The following CORO7 variants were observed in gnomAD, a reference collection of about 807,000 sequenced individuals.
CORO7 encodes coronin-7.
A neutral mutation model predicts 126.6 loss-of-function variants in CORO7; 107 were observed. The observed-to-expected ratio is 0.85, with a 90% CI of 0.72 to 0.99. CORO7 has a LOEUF of 0.99. Among genes scored for constraint, CORO7 ranks in the 50% least tolerant of loss-of-function variants. The pLI, the probability that CORO7 is intolerant of heterozygous loss-of-function variation, is 0.00. For synonymous variants in CORO7, 603 were observed against 536.8 expected (o/e 1.12, Z -1.70); for missense variants, 1,314 against 1,255.8 (o/e 1.05, Z -0.70).
At chr16:4,368,788 C>T (rs1249532356) in intron 9 of CORO7, among the ~76,000 whole-genome samples, 1 of 150,328 alleles carries the variant, frequency 6.7e-6, no homozygotes, top group East Asian at 1.9e-4. Flanking sequence ...CTGGGTAACA[C>T]AGCAAGACCC....
At chr16:4,389,968 G>C (rs1348526916) in intron 7 of CORO7, among the ~76,000 whole-genome samples, 2 of 152,194 alleles carry the variant, frequency 1.3e-5, no homozygotes, top group Non-Finnish European at 2.9e-5. Flanking sequence ...GGCAGGTGCT[G>C]GGGGGAAGCA....
chr16:4,388,572 C>T lies in CORO7; in HGVS notation c.675G>A (p.Glu225=). 2.5e-6 allele frequency: 4 copies of T among 1,613,064 alleles called. No individual in the cohort carries two copies. Among genetic ancestry groups the T allele is most frequent in the Non-Finnish European group, 3.4e-6 (4 of 1,179,842 alleles). The part of the protein sequence containing the change: ...DSRLAWMGTW[E]HLVSTGFNQM... ...GGTTGAATCCAGTAGACACAAGGTGCTCCCAGGTGCCCATCCATGCCAGCC... is the reference window on the plus strand; with the variant it reads ...GGTTGAATCCAGTAGACACAAGGTGTTCCCAGGTGCCCATCCATGCCAGCC... Residue 225 remains glutamate (E), a synonymous_variant, in exon 8 of 28, where the codon GAG becomes GAA. Coordinates refer to ENST00000251166, the MANE Select transcript of CORO7 (RefSeq NM_024535.5).
At position 4,362,988 on chromosome 16, in the gene CORO7, G is replaced by A; in HGVS notation, c.1276-250C>T. ...CCAGCCCTGCAGGAGGGTGTGCCCA[G>A]TGGGTTAGATCTGCCAGTATTTTAA... On this transcript the variant is annotated intron_variant, in intron 14 of 27. Coordinates refer to ENST00000251166, the MANE Select transcript of CORO7 (RefSeq NM_024535.5). The surrounding 1 kb of genome is among the most constrained non-coding windows in gnomAD (Gnocchi z 5.3). 2.6e-6 allele frequency: 1 copy of A among 390,646 alleles called. No individual in the cohort carries two copies. The highest frequency in any genetic ancestry group is 2.1e-5 in the African/African-American group (1 of 48,600). The allele number at this position is 390,646 out of a possible 1,614,324, so 24.2% of individuals were successfully genotyped here. A position where few individuals can be genotyped will look rare whatever the true frequency, so the allele number is the denominator to read the frequency against.
chr16:4,389,445 T>C (rs1036983570), intron 7 of CORO7, among the ~76,000 whole-genome samples: 1 of 152,102 alleles, frequency 6.6e-6, no homozygotes, highest in Non-Finnish European at 1.5e-5. Context: ...CCCCAAACCA[T>C]GGCCAGCTTC....
Position 4,354,952 on chromosome 16 carries a change from G to A in CORO7, c.*206C>T. ...CATGCTAGCGGGCAGCTGATGAGCA[G>A]CAGCTGACCCCAGAGACAGCAGAGG... is the stretch of plus-strand genomic sequence containing the variant. On this transcript the variant is annotated 3_prime_UTR_variant, in exon 28 of 28. Transcript: ENST00000251166. The A allele has an allele frequency of 5.9e-6, 3 of 508,954 alleles. No individual in the cohort carries two copies. Among genetic ancestry groups the A allele is most frequent in the South Asian group, 5.1e-5 (1 of 19,558 alleles). 31.5% of individuals were successfully genotyped at this position (508,954 alleles called of 1,614,324 possible). A position where few individuals can be genotyped will look rare whatever the true frequency, so the allele number is the denominator to read the frequency against.
chr16:4,376,384 G>T (rs552853665), intron 9 of CORO7, among the ~76,000 whole-genome samples: 1 of 152,306 alleles, frequency 6.6e-6, no homozygotes, highest in East Asian at 1.9e-4. Flanking sequence ...GAGCCTTGGC[G>T]GGCCAGCATG....
chr16:4,388,722 G>T, intron 7 of CORO7, 91 bp from the exon 8 acceptor site: 1 of 1,351,026 alleles, frequency 7.4e-7, no homozygotes, highest in Non-Finnish European at 1.0e-6. Context: ...AACTTCTGCT[G>T]CCCACCTGCC....
intron 6 of CORO7, among the ~76,000 whole-genome samples, chr16:4,396,884 C>T (rs2055611425): frequency 6.6e-6 from 1 of 151,720 alleles, no homozygotes; most frequent in Non-Finnish European, 1.5e-5. Flanking sequence ...GGCATGGTGG[C>T]AGGCACCTGT....
In CORO7 at chr16:4,362,136, G is replaced by C; in HGVS notation, c.1427C>G (p.Ala476Gly). 1 of 1,609,524 alleles carries C rather than the reference G, an allele frequency of 6.2e-7. No homozygotes were observed. The highest frequency in any genetic ancestry group is 8.5e-7 in the Non-Finnish European group (1 of 1,178,916). Reference protein sequence around the residue: ...LLGPSSKFRHAQGTVLHRDSH... With the variant: ...LLGPSSKFRHGQGTVLHRDSH... ...GTCTCGGTGCAGGACAGTGCCCTGAGCATGGCGGAACTTGGAACTGGGGCC... is the reference window on the plus strand; with the variant it reads ...GTCTCGGTGCAGGACAGTGCCCTGACCATGGCGGAACTTGGAACTGGGGCC... Residue 476 changes from alanine (A) to glycine (G), a missense_variant, in exon 16 of 28, where the codon GCT (alanine) becomes GGT (glycine). Ala to Gly is a moderately conservative substitution (Grantham distance 60). Coordinates refer to ENST00000251166, the MANE Select transcript of CORO7 (RefSeq NM_024535.5). The surrounding 1 kb of genome is among the most constrained non-coding windows in gnomAD (Gnocchi z 5.3).
chr16:4,405,055 A>T (rs1471922037), intron 6 of CORO7, among the ~76,000 whole-genome samples: 1 of 152,038 alleles, frequency 6.6e-6, no homozygotes, highest in Non-Finnish European at 1.5e-5. Flanking sequence ...TCAAAGCACC[A>T]TGTCCCTCTT....
Position 4,383,132 on chromosome 16 carries a change from A to G in CORO7, c.785+4854T>C, listed in dbSNP as rs113649657. The G allele has an allele frequency of 1.2e-3, 625 of 526,700 alleles. 8 individuals carry two copies. The highest frequency in any genetic ancestry group is 0.011 in the African/African-American group (557 of 50,024). The allele number at this position is 526,700 out of a possible 1,614,324, so 32.6% of individuals were successfully genotyped here. A position where few individuals can be genotyped will look rare whatever the true frequency, so the allele number is the denominator to read the frequency against. Reference sequence around the variant, plus strand: ...CCCAGAACCGAGTGCCTATGAGGACAGTGTCCGCCCTGCCCTCCGCAACGT... The same window carrying G: ...CCCAGAACCGAGTGCCTATGAGGACGGTGTCCGCCCTGCCCTCCGCAACGT... On this transcript the variant is annotated intron_variant, in intron 9 of 27. Transcript: ENST00000251166.
intron 9 of CORO7, among the ~76,000 whole-genome samples, chr16:4,385,456 A>C (rs1399640440): frequency 1.3e-5 from 2 of 151,998 alleles, no homozygotes; most frequent in Non-Finnish European, 2.9e-5. Context: ...GCATTCACAC[A>C]CTCATCCCCG....
In CORO7 at chr16:4,408,376, G is replaced by A. The variant is rs982490973; in HGVS notation, c.233-125C>T. ...AGAAACAGGCTACAAGTCTACAAGG[G>A]CCCTCTGGACACCATGGGGGCAAAT... On this transcript the variant is annotated intron_variant, in intron 3 of 27. Coordinates refer to ENST00000251166, the MANE Select transcript of CORO7 (RefSeq NM_024535.5). 6.6e-6 allele frequency: 9 copies of A among 1,369,846 alleles called. No homozygotes were observed. The South Asian group carries it at 7.7e-5, about 12-fold the overall frequency. The allele number at this position is 1,369,846 out of a possible 1,614,324, so 84.9% of individuals were successfully genotyped here.
At chr16:4,396,901 A>G (rs2055612144) in intron 6 of CORO7, among the ~76,000 whole-genome samples, 1 of 151,788 alleles carries the variant, frequency 6.6e-6, no homozygotes, top group Admixed American at 6.6e-5. Context: ...CTGTAATCCC[A>G]GCTACTCAGG....
chr16:4,380,484 T>C (rs1183750007), intron 9 of CORO7, among the ~76,000 whole-genome samples: 1 of 152,196 alleles, frequency 6.6e-6, no homozygotes, highest in Non-Finnish European at 1.5e-5. Flanking sequence ...TGCCCCCTCT[T>C]CCAGACCCTG....
chr16:4,399,314 A>G (rs899784189), intron 6 of CORO7, among the ~76,000 whole-genome samples: 13 of 152,228 alleles, frequency 8.5e-5, no homozygotes, highest in African/African-American at 2.9e-4. Flanking sequence ...AGGAAATCCT[A>G]CTGCACGCCA....
chr16:4,381,584 G>A (rs756788083), intron 9 of CORO7: 19 of 1,603,320 alleles, frequency 1.2e-5, no homozygotes, highest in East Asian at 4.5e-5. Context: ...CCTGTGATCC[G>A]AGGCCTCCGG....
At position 4,404,662 on chromosome 16, in the gene CORO7, C is replaced by T. The variant is rs550944797; in HGVS notation, c.564+829G>A. 1.8e-3 allele frequency among the ~76,000 whole-genome samples: 276 copies of T among 152,228 alleles called. 1 individual carries two copies. Among genetic ancestry groups the T allele is most frequent in the African/African-American group, 6.5e-3 (268 of 41,540 alleles). ...CCCCCTCTCTGCCACAGCACATCCC[C>T]GTCCCAGTGACAGGCCTCTCCTACT... On this transcript the variant is annotated intron_variant, in intron 6 of 27. Coordinates refer to ENST00000251166, the MANE Select transcript of CORO7 (RefSeq NM_024535.5).
Position 4,365,512 on chromosome 16 carries a change from C to G in CORO7, c.819G>C (p.Gly273=), listed in dbSNP as rs777324216. ...CLVPLLDPDS[G]LLVLAGKGER... is the part of the protein sequence containing the mutation. ...TCACCTTTCCTGCCAGGACCAGGAG[C>G]CCAGAGTCAGGGTCCAGCAGAGGCA... is the stretch of plus-strand genomic sequence containing the variant. Residue 273 remains glycine, a synonymous_variant, in exon 10 of 28, where the codon GGG becomes GGC. Coordinates refer to ENST00000251166, the MANE Select transcript of CORO7 (RefSeq NM_024535.5). The G allele has an allele frequency of 7.0e-6, 11 of 1,578,686 alleles. No homozygotes were observed. The highest frequency in any genetic ancestry group is 7.7e-6 in the Non-Finnish European group (9 of 1,162,690).
Sources: allele counts gnomAD v4.1 joint callset (sites outside exome capture counted in the v4.1 genomes callset), GRCh38; gene constraint gnomAD v4.1.1; non-coding constraint Gnocchi (gnomAD v3.1); transcripts MANE v1.5; gene names NCBI Gene and HGNC (gene_info 2026-07-23, HGNC 2026-07-21).